Variants in RABGAP1 observed in about 807,000 individuals in gnomAD.
RABGAP1 encodes the protein RAB GTPase activating protein 1, also known as rab GTPase-activating protein 1.
A neutral mutation model predicts 137.6 loss-of-function variants in RABGAP1; 23 were observed. That is an observed-to-expected ratio of 0.17 (90% CI 0.12 to 0.24). The LOEUF (loss-of-function observed/expected upper bound fraction) is 0.24, where lower values mean the gene tolerates loss of function less well. Ranked by LOEUF, RABGAP1 falls within the 10% of genes least tolerant of loss-of-function variation. The pLI, the probability that RABGAP1 is intolerant of heterozygous loss-of-function variation, is 1.00. For synonymous variants in RABGAP1, 451 were observed against 450.7 expected (o/e 1.00, Z -0.01); for missense variants, 906 against 1,275.8 (o/e 0.71, Z 4.42).
chr9:122,972,320 A>G (rs1162911518), intron 2 of RABGAP1, among the ~76,000 whole-genome samples: 1 of 152,182 alleles, frequency 6.6e-6, no homozygotes, highest in Non-Finnish European at 1.5e-5. Context: ...CTCGATACTC[A>G]GTGGATTAAA....
chr9:123,025,050 G>C (rs1040370382), intron 13 of RABGAP1, among the ~76,000 whole-genome samples: 1 of 152,016 alleles, frequency 6.6e-6, no homozygotes, highest in African/African-American at 2.4e-5. Context: ...TTTTTATTCT[G>C]TGTGTTAATT....
chr9:122,940,487 G>A (rs1023924486), upstream of RABGAP1, among the ~76,000 whole-genome samples: 12 of 152,146 alleles, frequency 7.9e-5, no homozygotes, highest in Non-Finnish European at 1.2e-4. Context: ...GGAGAAAAAT[G>A]GTACCATTCT....
intron 23 of RABGAP1, 76 bp downstream of exon 23, chr9:123,098,874 C>G: frequency 1.3e-6 from 1 of 742,898 alleles, no homozygotes; most frequent in Non-Finnish European, 2.0e-6. Context: ...ACCCGCCCCC[C>G]ACCCCCAAAC....
intron 24 of RABGAP1, among the ~76,000 whole-genome samples, 168 bp from the exon 25 acceptor site, chr9:123,101,398 T>G (rs574105786): frequency 6.6e-6 from 1 of 152,332 alleles, no homozygotes; most frequent in East Asian, 1.9e-4. Flanking sequence ...TAATACCAAG[T>G]GGCTTTTCCA....
intron 19 of RABGAP1, among the ~76,000 whole-genome samples, chr9:123,085,844 C>G (rs1351600048): frequency 6.6e-6 from 1 of 152,170 alleles, no homozygotes; most frequent in East Asian, 1.9e-4. Flanking sequence ...ATTGCTAATG[C>G]CACTGCACAT....
intron 13 of RABGAP1, among the ~76,000 whole-genome samples, chr9:123,049,835 C>G (rs1176640625): frequency 2.0e-5 from 3 of 152,224 alleles, no homozygotes; most frequent in Non-Finnish European, 4.4e-5. Flanking sequence ...ATATACCAGG[C>G]CTTAAGCCAC....
At chr9:122,967,120 A>G (rs1039714951) in intron 2 of RABGAP1, among the ~76,000 whole-genome samples, 10 of 152,168 alleles carry the variant, frequency 6.6e-5, no homozygotes, top group Non-Finnish European at 1.5e-5. Flanking sequence ...TGTTTCAGGA[A>G]AGCAGTAGTG....
intron 13 of RABGAP1, among the ~76,000 whole-genome samples, chr9:123,057,327 C>T (rs905740366): frequency 6.6e-6 from 1 of 151,524 alleles, no homozygotes; most frequent in African/African-American, 2.4e-5. Context: ...GGTCTCCTCA[C>T]TTCTCAGACG....
At chr9:122,957,962 C>T (rs1834624580) in intron 2 of RABGAP1, among the ~76,000 whole-genome samples, 1 of 151,560 alleles carries the variant, frequency 6.6e-6, no homozygotes, top group Non-Finnish European at 1.5e-5. Flanking sequence ...TCTCTCTCTC[C>T]CCTCTCCCTG....
chr9:123,103,432 T>A lies in RABGAP1; in HGVS notation c.*219T>A. 1 of 546,982 alleles carries A rather than the reference T, an allele frequency of 1.8e-6. No homozygotes were observed. The highest frequency in any genetic ancestry group is 3.0e-6 in the Non-Finnish European group (1 of 329,160). The allele number at this position is 546,982 out of a possible 1,614,324, so 33.9% of individuals were successfully genotyped here. A position where few individuals can be genotyped will look rare whatever the true frequency, so the allele number is the denominator to read the frequency against. On this transcript the variant is annotated 3_prime_UTR_variant, in exon 26 of 26. Coordinates refer to ENST00000373647, the MANE Select transcript of RABGAP1 (RefSeq NM_012197.4). ...AGGCCTGCTAGCTCAGCCGACGCTC[T>A]GGACACTCTAGAAATCACTCCTCAG...
chr9:123,001,526 T>C (rs543702131), intron 10 of RABGAP1, among the ~76,000 whole-genome samples: 2 of 152,192 alleles, frequency 1.3e-5, no homozygotes, highest in Admixed American at 1.3e-4. Context: ...GGACACTTAT[T>C]TTCAGTGTTG....
intron 19 of RABGAP1, among the ~76,000 whole-genome samples, chr9:123,082,786 G>T (rs1213957710): frequency 2.0e-5 from 3 of 152,228 alleles, no homozygotes; most frequent in African/African-American, 7.2e-5. Context: ...CCAAATAGCA[G>T]TGTCTCCAAA....
intron 19 of RABGAP1, among the ~76,000 whole-genome samples, chr9:123,087,123 TTGTTATA>T (rs2034891093): frequency 6.6e-6 from 1 of 152,226 alleles, no homozygotes; most frequent in Non-Finnish European, 1.5e-5. Context: ...ACACCAACTC[TTGTTATA>T]TATGATACTG....
rs187621434 is a variant in RABGAP1 at position 123,066,576 on chromosome 9, C to A, written c.1908+1115C>A. Among the ~76,000 whole-genome samples, 315 of 152,278 alleles carry A rather than the reference C, an allele frequency of 2.1e-3. 4 individuals carry two copies. Among genetic ancestry groups the A allele is most frequent in the African/African-American group, 6.9e-3 (288 of 41,552 alleles). On this transcript the variant is annotated intron_variant, in intron 14 of 25. Coordinates refer to ENST00000373647, the MANE Select transcript of RABGAP1 (RefSeq NM_012197.4). ...CCTCTCATGCCTTCACTGACTTCAT[C>A]ATTTTATCTCACACTACCTGCCCCT... is the stretch of plus-strand genomic sequence containing the variant.
chr9:123,101,956 A>G (rs914222877), intron 25 of RABGAP1, among the ~76,000 whole-genome samples, 193 bp downstream of exon 25: 3 of 152,102 alleles, frequency 2.0e-5, no homozygotes, highest in African/African-American at 7.2e-5. Flanking sequence ...TGTCTTGAGG[A>G]TTTCCGCTGT....
In RABGAP1 at chr9:123,032,247, C is replaced by T. The variant is rs1308057444; in HGVS notation, c.1794+11788C>T. ...AGCCTTTTTTATATACTTTATTTCT[C>T]AACAACCCTGTGAAGTAAGGAGTGT... On this transcript the variant is annotated intron_variant, in intron 13 of 25. Coordinates refer to ENST00000373647, the MANE Select transcript of RABGAP1 (RefSeq NM_012197.4). Among the ~76,000 whole-genome samples, 3 of 152,198 alleles carry T rather than the reference C, an allele frequency of 2.0e-5. No individual in the cohort carries two copies. In the East Asian group the frequency reaches 5.8e-4, roughly 29 times the overall value.
intron 19 of RABGAP1, among the ~76,000 whole-genome samples, chr9:123,085,396 G>A (rs954166487): frequency 6.6e-6 from 1 of 152,228 alleles, no homozygotes; most frequent in Admixed American, 6.5e-5. Flanking sequence ...TATTTCTAAC[G>A]GTGTTAAGAA....
intron 13 of RABGAP1, among the ~76,000 whole-genome samples, chr9:123,030,524 C>A (rs2032240129): frequency 6.6e-6 from 1 of 151,994 alleles, no homozygotes; most frequent in African/African-American, 2.4e-5. Context: ...TATCATGAGA[C>A]TGCATTATTT....
chr9:123,072,696 C>T (rs1588377122), intron 15 of RABGAP1, among the ~76,000 whole-genome samples: 2 of 152,158 alleles, frequency 1.3e-5, no homozygotes, highest in Admixed American at 6.5e-5. Context: ...CTTAACTTAC[C>T]AGTAATGATC....
Sources: gnomAD v4.1 joint callset for allele counts (sites outside exome capture counted in the v4.1 genomes callset) on GRCh38, gnomAD v4.1.1 for gene constraint, MANE v1.5 for transcripts, NCBI Gene and HGNC (gene_info 2026-07-23, HGNC 2026-07-21) for gene names.